The following IFNLR1 variants were observed in gnomAD, a reference collection of about 807,000 sequenced individuals.
IFNLR1 encodes interferon lambda receptor 1, also known as CRF2-12.
Under a neutral mutation model 52.5 loss-of-function variants are expected in IFNLR1, and 28 were observed. That is an observed-to-expected ratio of 0.53 (90% CI 0.40 to 0.73). IFNLR1 has a LOEUF of 0.73. IFNLR1 is among the 30% of genes least tolerant of loss of function. The pLI, the probability that IFNLR1 is intolerant of heterozygous loss-of-function variation, is 0.00. For synonymous variants in IFNLR1, 276 were observed against 274.9 expected, an observed-to-expected ratio of 1.00 and a Z score of -0.04; for missense variants, 623 against 659.1, an observed-to-expected ratio of 0.95 and a Z score of 0.60.
chr1:24,180,881 C>A (rs774386968), intron 1 of IFNLR1, 27 bp from the exon 2 acceptor site: 5 of 1,606,564 alleles, frequency 3.1e-6, no homozygotes, highest in Non-Finnish European at 4.2e-6. Flanking sequence ...GGTCATGAAG[C>A]CTGGAGCTCC....
chr1:24,178,082 C>T (rs532959094), intron 2 of IFNLR1, among the ~76,000 whole-genome samples: 14 of 151,916 alleles, frequency 9.2e-5, no homozygotes, highest in Non-Finnish European at 2.1e-4. Flanking sequence ...GTCAGGAGTT[C>T]GACACCAGCC....
At chr1:24,161,205 G>A (rs1644439645) in intron 4 of IFNLR1, among the ~76,000 whole-genome samples, 1 of 152,172 alleles carries the variant, frequency 6.6e-6, no homozygotes, top group Admixed American at 6.5e-5. Context: ...ATAAATAAAT[G>A]CAGCTATACA....
chr1:24,173,339 G>A (rs564607537), intron 2 of IFNLR1, among the ~76,000 whole-genome samples: 2 of 152,218 alleles, frequency 1.3e-5, no homozygotes, highest in East Asian at 3.9e-4. Context: ...ATGAAAAGAT[G>A]TTCAACATCA....
rs1280792659 is a variant in IFNLR1 at position 24,169,513 on chromosome 1, C to T, written c.271G>A (p.Asp91Asn). Residue 91 changes from aspartate (D) to asparagine (N), a missense_variant, in exon 3 of 7, where the codon GAC becomes AAC. Physicochemically the swap from Asp to Asn is conservative, Grantham distance 23 (BLOSUM62 1). Coordinates refer to ENST00000327535, the MANE Select transcript of IFNLR1 (RefSeq NM_170743.4). ...LCSMMCLKKQ[D>N]LYNKFKGRVR... ...CGTCCCTTGAACTTGTTGTACAGGT[C>T]CTGTTTCTTCAGGCACATCATAGAA... 1 of 1,614,186 alleles carries T rather than the reference C, an allele frequency of 6.2e-7. No individual in the cohort carries two copies. Among genetic ancestry groups the T allele is most frequent in the East Asian group, 2.2e-5 (1 of 44,884 alleles).
chr1:24,165,540 C>A (rs1644510522), intron 3 of IFNLR1, among the ~76,000 whole-genome samples: 1 of 152,240 alleles, frequency 6.6e-6, no homozygotes, highest in African/African-American at 2.4e-5. Context: ...GCCTTCTAGC[C>A]TTGCCCAGTG....
intron 1 of IFNLR1, among the ~76,000 whole-genome samples, chr1:24,185,472 G>A (rs1644728407): frequency 6.6e-6 from 1 of 152,242 alleles, no homozygotes; most frequent in South Asian, 2.1e-4. Context: ...GTGCCATGAT[G>A]GAAATCCATA....
At position 24,157,775 on chromosome 1, in the gene IFNLR1, A is replaced by C; in HGVS notation, c.918T>G (p.Pro306=). The C allele has an allele frequency of 1.9e-6, 3 of 1,614,088 alleles. No individual in the cohort carries two copies. Among genetic ancestry groups the C allele is most frequent in the Non-Finnish European group, 2.5e-6 (3 of 1,180,000 alleles). The change falls in exon 7 of 7, where the codon CCT becomes CCG. Residue 306 remains proline (P), a synonymous_variant. Coordinates refer to ENST00000327535, the MANE Select transcript of IFNLR1 (RefSeq NM_170743.4). This position sits in a 1 kb window ranked among gnomAD's most constrained non-coding sequence, Gnocchi z 5.1. Reference sequence around the variant, plus strand: ...GTTGGGTGGCTGGGGCCCTGACTCGAGGCGTCGGCCTGACCCCTCTGGTCA... The same window carrying C: ...GTTGGGTGGCTGGGGCCCTGACTCGCGGCGTCGGCCTGACCCCTCTGGTCA... ...KELTRGVRPT[P]RVRAPATQQT...
In IFNLR1 at chr1:24,157,285, G is replaced by A; in HGVS notation, c.1408C>T (p.Gln470Ter). Residue 470 changes from glutamine to a stop codon, truncating the protein, a stop_gained, in exon 7 of 7, where the codon CAG (glutamine) becomes TAG (stop). Coordinates refer to ENST00000327535, the MANE Select transcript of IFNLR1 (RefSeq NM_170743.4). LOFTEE classifies it high-confidence loss of function. The surrounding 1 kb of genome is among the most constrained non-coding windows in gnomAD (Gnocchi z 5.1). Reference sequence around the variant, plus strand: ...CTTTCCCAGCAGAAGGTCAGTGTCTGAAGAGAAACTGGGGGTCCCCCAGGG... The same window carrying A: ...CTTTCCCAGCAGAAGGTCAGTGTCTAAAGAGAAACTGGGGGTCCCCCAGGG... ...LVPGGPPVSL[Q>*]TLTFCWESSP... 1 of 1,614,182 alleles carries A rather than the reference G, an allele frequency of 6.2e-7. No homozygotes were observed. Among genetic ancestry groups the A allele is most frequent in the Non-Finnish European group, 8.5e-7 (1 of 1,180,030 alleles).
At chr1:24,176,093 G>A (rs1644630467) in intron 2 of IFNLR1, among the ~76,000 whole-genome samples, 1 of 152,194 alleles carries the variant, frequency 6.6e-6, no homozygotes, top group East Asian at 1.9e-4. Flanking sequence ...AATATCCACT[G>A]ACGGGAAAAT....
At chr1:24,173,309 T>C (rs916842856) in intron 2 of IFNLR1, among the ~76,000 whole-genome samples, 2 of 152,142 alleles carry the variant, frequency 1.3e-5, no homozygotes, top group East Asian at 1.9e-4. Context: ...ACAAAAGATA[T>C]ATGAATGGCC....
At chr1:24,159,874 A>G (rs1344572904) in intron 4 of IFNLR1, among the ~76,000 whole-genome samples, 1 of 150,858 alleles carries the variant, frequency 6.6e-6, no homozygotes, top group African/African-American at 2.4e-5. Context: ...TCTCCAAGTA[A>G]CTAGGGACTA....
chr1:24,178,325 C>G (rs949785114), intron 2 of IFNLR1, among the ~76,000 whole-genome samples: 8 of 151,914 alleles, frequency 5.3e-5, no homozygotes, highest in Non-Finnish European at 1.0e-4. Flanking sequence ...ATGTGGTATA[C>G]ACACATCACT....
intron 2 of IFNLR1, among the ~76,000 whole-genome samples, chr1:24,174,868 C>CA (rs34158476): frequency 0.074 from 10,528 of 142,924 alleles, 736 homozygotes; most frequent in African/African-American, 0.19. Flanking sequence ...ATCCACATTG[C>CA]AAAAAAAAAA....
At chr1:24,176,845 C>T (rs180861316) in intron 2 of IFNLR1, among the ~76,000 whole-genome samples, 1 of 152,166 alleles carries the variant, frequency 6.6e-6, no homozygotes, top group Non-Finnish European at 1.5e-5. Flanking sequence ...CTCTTGGGCT[C>T]AAGCGATCCT....
At chr1:24,176,415 G>T (rs573933988) in intron 2 of IFNLR1, among the ~76,000 whole-genome samples, 1 of 152,352 alleles carries the variant, frequency 6.6e-6, no homozygotes, top group East Asian at 1.9e-4. Context: ...TGGTGGGTAC[G>T]TGGGTGCCCA....
Position 24,157,792 on chromosome 1 carries a change from C to G in IFNLR1, c.901G>C (p.Gly301Arg). Residue 301 changes from glycine (G) to arginine (R), a missense_variant, in exon 7 of 7, where the codon GGG becomes CGG. Transcript: ENST00000327535. The surrounding 1 kb of genome is among the most constrained non-coding windows in gnomAD (Gnocchi z 5.1). ...FLCPQKELTR[G>R]VRPTPRVRAP... is the part of the protein sequence containing the mutation. ...CTGACTCGAGGCGTCGGCCTGACCCCTCTGGTCAGTTCCTTTTGGGGACAG... is the reference window on the plus strand; with the variant it reads ...CTGACTCGAGGCGTCGGCCTGACCCGTCTGGTCAGTTCCTTTTGGGGACAG... 6.2e-7 allele frequency: 1 copy of G among 1,614,200 alleles called. No homozygotes were observed. Among genetic ancestry groups the G allele is most frequent in the East Asian group, 2.2e-5 (1 of 44,878 alleles).
At chr1:24,162,770 TTCTTTC>T (rs1557643881) in intron 3 of IFNLR1, among the ~76,000 whole-genome samples, 1,640 of 41,532 alleles carry the variant, frequency 0.039, 122 homozygotes, top group Non-Finnish European at 0.046. Context: ...CTTTCTTTCT[TTCTTTC>T]TTTTTCTTTC....
At chr1:24,162,703 T>G (rs914741615) in intron 3 of IFNLR1, among the ~76,000 whole-genome samples, 4 of 22,094 alleles carry the variant, frequency 1.8e-4, no homozygotes. Flanking sequence ...TCACTTTTCT[T>G]TTCTTTTCTT....
intron 1 of IFNLR1, among the ~76,000 whole-genome samples, chr1:24,183,882 A>T (rs1644713519): frequency 6.6e-6 from 1 of 152,136 alleles, no homozygotes; most frequent in Non-Finnish European, 1.5e-5. Context: ...GGCATGTGCC[A>T]CCACACCTGG....
Sources: gnomAD v4.1 joint callset for allele counts (sites outside exome capture counted in the v4.1 genomes callset) on GRCh38, gnomAD v4.1.1 for gene constraint, Gnocchi (gnomAD v3.1) non-coding constraint, MANE v1.5 for transcripts, NCBI Gene and HGNC (gene_info 2026-07-23, HGNC 2026-07-21) for gene names.